Variants in ROBO2 observed in about 807,000 individuals in gnomAD.
The protein encoded by ROBO2 is roundabout homolog 2.
ROBO2 carries 53 observed loss-of-function variants against 160.8 expected under a neutral mutation model. The ratio of observed to expected loss-of-function variants is 0.33; its 90% CI spans 0.26 to 0.41. The LOEUF (loss-of-function observed/expected upper bound fraction) is 0.41. Among genes scored for constraint, ROBO2 ranks in the 10% least tolerant of loss-of-function variants. The pLI is 1.00. For missense variants in ROBO2, 1,577 were observed against 1,722.4 expected (o/e 0.92, Z 1.49); for synonymous variants, 664 against 611.7 (o/e 1.09, Z -1.26).
At chr3:76,603,021 A>C (rs1284065992) in intron 2 of ROBO2, among the ~76,000 whole-genome samples, 1 of 152,056 alleles carries the variant, frequency 6.6e-6, no homozygotes, top group Non-Finnish European at 1.5e-5. Flanking sequence ...ATCGTCTGAA[A>C]ATCATTCTTT....
intron 2 of ROBO2, among the ~76,000 whole-genome samples, chr3:76,757,323 C>A (rs1245816484): frequency 2.6e-5 from 4 of 151,872 alleles, no homozygotes; most frequent in East Asian, 2.0e-4. Flanking sequence ...AGATACTGAA[C>A]TTTTAGGTTG....
intron 2 of ROBO2, among the ~76,000 whole-genome samples, chr3:77,414,287 A>C (rs1423621695): frequency 6.6e-6 from 1 of 152,212 alleles, no homozygotes; most frequent in African/African-American, 2.4e-5. Context: ...CACCTTTATA[A>C]AAGCAATTTT....
chr3:75,909,507 A>G (rs1946477287), intron 1 of ROBO2, among the ~76,000 whole-genome samples: 2 of 152,232 alleles, frequency 1.3e-5, no homozygotes, highest in African/African-American at 4.8e-5. Context: ...TGATTACAGG[A>G]TTCCCTGAAC....
chr3:76,220,093 C>A (rs112448469), intron 2 of ROBO2, among the ~76,000 whole-genome samples: 1 of 150,080 alleles, frequency 6.7e-6, no homozygotes, highest in Non-Finnish European at 1.5e-5. Flanking sequence ...AACCAAACAC[C>A]GCATGTTCTC....
At position 77,558,914 on chromosome 3, in the gene ROBO2, T is replaced by C. The variant is rs888370666; in HGVS notation, c.1437+765T>C. Among the ~76,000 whole-genome samples the C allele has an allele frequency of 2.0e-5, 3 of 152,240 alleles. No homozygotes were observed. The East Asian group carries it at 5.8e-4, about 30-fold the overall frequency. ...GGCATGACTGAGCTGTGTCTTTTGC[T>C]TCTGGGTCTTACAAGGCTCCAGTTA... On this transcript the variant is annotated intron_variant, in intron 9 of 25. Coordinates refer to ENST00000461745, the Ensembl canonical transcript of ROBO2.
chr3:76,144,565 C>A (rs145129543), intron 2 of ROBO2, among the ~76,000 whole-genome samples: 1 of 152,160 alleles, frequency 6.6e-6, no homozygotes, highest in East Asian at 1.9e-4. Context: ...AGGTTTTAGA[C>A]ACAATTGGAC....
intron 2 of ROBO2, among the ~76,000 whole-genome samples, chr3:76,253,448 A>C (rs1706162694): frequency 6.6e-6 from 1 of 151,290 alleles, no homozygotes; most frequent in African/African-American, 2.4e-5. Flanking sequence ...AGTTTTTAAA[A>C]TTTCTTTTAG....
At chr3:77,396,215 G>A (rs2075271783) in intron 2 of ROBO2, among the ~76,000 whole-genome samples, 2 of 151,826 alleles carry the variant, frequency 1.3e-5, no homozygotes, top group Non-Finnish European at 2.9e-5. Context: ...ATAAATTATG[G>A]TAATATGCAT....
intron 2 of ROBO2, among the ~76,000 whole-genome samples, chr3:76,145,481 C>T (rs2071849547): frequency 6.6e-6 from 1 of 152,050 alleles, no homozygotes; most frequent in African/African-American, 2.4e-5. Flanking sequence ...TAACTATTCT[C>T]CACTTTGTCT....
intron 2 of ROBO2, among the ~76,000 whole-genome samples, chr3:76,600,485 G>A (rs192669265): frequency 5.3e-5 from 8 of 152,234 alleles, no homozygotes; most frequent in Admixed American, 2.0e-4. Flanking sequence ...CACATGGCTC[G>A]GAAGGCCTCA....
At chr3:76,085,636 G>A (rs533291682) in intron 2 of ROBO2, among the ~76,000 whole-genome samples, 1 of 152,146 alleles carries the variant, frequency 6.6e-6, no homozygotes, top group Non-Finnish European at 1.5e-5. Flanking sequence ...AGAGCAAACT[G>A]TTGCCCCTGA....
rs761588077 is a variant in ROBO2 at position 77,574,854 on chromosome 3, G to A, written c.2203+124G>A. 46 of 733,594 alleles carry A rather than the reference G, an allele frequency of 6.3e-5. No homozygotes were observed. In the East Asian group the frequency reaches 8.4e-4, roughly 13 times the overall value. The allele number at this position is 733,594 out of a possible 1,614,324, so 45.4% of individuals were successfully genotyped here. ...CCTAAAAGTAAATTGAGGAAGTGTC[G>A]TTTTCTCCTTTTATTCTGAGAATTC... On this transcript the variant is annotated intron_variant, in intron 14 of 25. Transcript: ENST00000461745.
chr3:77,003,076 A>G (rs1420119267), intron 2 of ROBO2, among the ~76,000 whole-genome samples: 2 of 152,180 alleles, frequency 1.3e-5, no homozygotes, highest in Non-Finnish European at 2.9e-5. Flanking sequence ...ATCTCTATAC[A>G]GTTTCTAATA....
chr3:77,243,895 C>T (rs2089376825), intron 2 of ROBO2, among the ~76,000 whole-genome samples: 1 of 152,138 alleles, frequency 6.6e-6, no homozygotes, highest in African/African-American at 2.4e-5. Flanking sequence ...TTCTCAAAAC[C>T]TGAACCCTAC....
chr3:76,375,681 A>T (rs577974706), intron 2 of ROBO2, among the ~76,000 whole-genome samples: 3 of 152,036 alleles, frequency 2.0e-5, no homozygotes, highest in African/African-American at 4.8e-5. Flanking sequence ...AAGATAGATT[A>T]AAAAAAACTA....
chr3:77,107,334 C>A (rs1043773187), intron 2 of ROBO2, among the ~76,000 whole-genome samples: 1 of 152,098 alleles, frequency 6.6e-6, no homozygotes, highest in Non-Finnish European at 1.5e-5. Flanking sequence ...GTAAGAGAGG[C>A]AGGTGTTTGG....
chr3:77,178,770 GA>G (rs1165178395), intron 2 of ROBO2, among the ~76,000 whole-genome samples: 1 of 152,026 alleles, frequency 6.6e-6, no homozygotes. Flanking sequence ...TACTCCTGAA[GA>G]CATTCTTATT....
chr3:77,084,122 TA>T (rs1218866836), intron 1 of ROBO2, among the ~76,000 whole-genome samples: 2 of 152,056 alleles, frequency 1.3e-5, no homozygotes, highest in African/African-American at 2.4e-5. Flanking sequence ...AAAACTCAAA[TA>T]TTTTTTTCTG....
At chr3:77,383,243 A>G (rs151324792) in intron 2 of ROBO2, among the ~76,000 whole-genome samples, 38 of 152,220 alleles carry the variant, frequency 2.5e-4, no homozygotes, top group African/African-American at 9.1e-4. Flanking sequence ...TCTCATCTGT[A>G]AAATGAAAAT....
Sources: allele counts gnomAD v4.1 joint callset (sites outside exome capture counted in the v4.1 genomes callset), GRCh38; gene constraint gnomAD v4.1.1; transcripts MANE v1.5; gene names NCBI Gene and HGNC (gene_info 2026-07-23, HGNC 2026-07-21).